The following ZFYVE9 variants were observed in gnomAD, a reference collection of about 807,000 sequenced individuals.
The protein encoded by ZFYVE9 is zinc finger FYVE-type containing 9.
Under a neutral mutation model 126.7 loss-of-function variants are expected in ZFYVE9, and 43 were observed. The ratio of observed to expected loss-of-function variants is 0.34; its 90% CI spans 0.27 to 0.44. ZFYVE9 has a LOEUF of 0.44. Ranked by LOEUF, ZFYVE9 falls within the 20% of genes least tolerant of loss-of-function variation. ZFYVE9 has a pLI of 1.00. For missense variants in ZFYVE9, 1,476 were observed against 1,697.0 expected (o/e 0.87, Z 2.29); for synonymous variants, 521 against 597.4 (o/e 0.87, Z 1.87).
chr1:52,268,677 C>A, intron 7 of ZFYVE9, 45 bp downstream of exon 7: 1 of 1,587,264 alleles, frequency 6.3e-7, no homozygotes, highest in South Asian at 1.2e-5. Context: ...CTACTTTACT[C>A]AGCATTGTGC....
chr1:52,209,974 G>A (rs1645012630), intron 1 of ZFYVE9, among the ~76,000 whole-genome samples: 2 of 152,192 alleles, frequency 1.3e-5, no homozygotes, highest in Non-Finnish European at 2.9e-5. Flanking sequence ...GGGAGACTAG[G>A]ATTCTTGCAA....
chr1:52,257,682 C>G (rs1315671678), intron 4 of ZFYVE9, among the ~76,000 whole-genome samples: 1 of 152,108 alleles, frequency 6.6e-6, no homozygotes. Flanking sequence ...TAGTCCTTCC[C>G]CAAAAAGTTT....
chr1:52,206,840 G>A (rs1300485782), intron 1 of ZFYVE9, among the ~76,000 whole-genome samples: 2 of 152,178 alleles, frequency 1.3e-5, no homozygotes, highest in African/African-American at 4.8e-5. Context: ...ACAAACCACT[G>A]TGCGCGGCCC....
chr1:52,337,091 C>G (rs1334335904), intron 15 of ZFYVE9, among the ~76,000 whole-genome samples: 2 of 151,922 alleles, frequency 1.3e-5, no homozygotes, highest in East Asian at 3.8e-4. Context: ...TTCAGTGGAG[C>G]GATTGGCTGA....
At chr1:52,340,826 G>A (rs758758774) in intron 17 of ZFYVE9, among the ~76,000 whole-genome samples, 38 of 149,272 alleles carry the variant, frequency 2.5e-4, no homozygotes, top group Non-Finnish European at 4.6e-4. Flanking sequence ...ACTTGAACCC[G>A]GGAGGCAGAG....
rs367622680 is a variant in ZFYVE9, at chr1:52,220,140, A to G, written c.-37+3666A>G. 6.6e-5 allele frequency among the ~76,000 whole-genome samples: 10 copies of G among 152,276 alleles called. No individual in the cohort carries two copies. The East Asian group carries it at 1.9e-3, about 29-fold the overall frequency. ...AAGGCAATGGGAAGGCATTTTGTCCATGGTAACTGGATTTCCAAGATTAAT... is the reference window on the plus strand; with the variant it reads ...AAGGCAATGGGAAGGCATTTTGTCCGTGGTAACTGGATTTCCAAGATTAAT... On this transcript the variant is annotated intron_variant, in intron 2 of 18. Transcript: ENST00000287727.
chr1:52,150,446 T>A, intron 1 of ZFYVE9: 1 of 150,288 alleles, frequency 6.7e-6, no homozygotes, highest in East Asian at 2.0e-4. Flanking sequence ...AGATGATAGA[T>A]GATAGCTAGA....
intron 4 of ZFYVE9, among the ~76,000 whole-genome samples, chr1:52,257,530 G>T (rs901023518): frequency 6.6e-5 from 10 of 152,116 alleles, no homozygotes; most frequent in African/African-American, 2.4e-4. Flanking sequence ...GCTTAGGCAG[G>T]TCATACGGAT....
intron 1 of ZFYVE9, chr1:52,162,375 C>A: frequency 2.9e-6 from 1 of 350,552 alleles, no homozygotes; most frequent in Non-Finnish European, 5.7e-6. Flanking sequence ...CCACCTCCGC[C>A]ACCACCACTA....
chr1:52,249,399 G>A lies in ZFYVE9; in HGVS notation c.2178+9804G>A, dbSNP rs1342102349. On this transcript the variant is annotated intron_variant, in intron 4 of 18. Transcript: ENST00000287727. Reference sequence around the variant, plus strand: ...TTGTATTTCTCTGATGGTTAGTGATGTTGAGCCTCTTTTCATGTACTTACT... The same window carrying A: ...TTGTATTTCTCTGATGGTTAGTGATATTGAGCCTCTTTTCATGTACTTACT... 2.6e-5 allele frequency among the ~76,000 whole-genome samples: 4 copies of A among 152,308 alleles called. No homozygotes were observed. The East Asian group carries it at 7.7e-4, about 29-fold the overall frequency.
intron 13 of ZFYVE9, among the ~76,000 whole-genome samples, chr1:52,316,483 C>CA (rs34497476): frequency 0.27 from 21,343 of 80,194 alleles, 1,797 homozygotes; most frequent in Middle Eastern, 0.36. Context: ...AGACTGGTCT[C>CA]AAAAAAAAAA....
At chr1:52,184,591 G>A (rs1347354528) in intron 1 of ZFYVE9, among the ~76,000 whole-genome samples, 1 of 142,172 alleles carries the variant, frequency 7.0e-6, no homozygotes, top group African/African-American at 2.6e-5. Context: ...TGGGTGGCGG[G>A]TGGTGGGGAG....
intron 1 of ZFYVE9, among the ~76,000 whole-genome samples, chr1:52,202,568 A>C (rs1644933793): frequency 6.6e-6 from 1 of 151,960 alleles, no homozygotes; most frequent in Non-Finnish European, 1.5e-5. Flanking sequence ...GGCATGAGCC[A>C]CTGTGCCTGG....
chr1:52,279,578 G>A (rs1035245589), intron 9 of ZFYVE9, among the ~76,000 whole-genome samples: 6 of 151,960 alleles, frequency 3.9e-5, no homozygotes, highest in East Asian at 1.9e-4. Context: ...GTTCTCCCAC[G>A]TCAGCCTCCC....
At chr1:52,234,870 G>A (rs1645259213) in intron 3 of ZFYVE9, among the ~76,000 whole-genome samples, 1 of 152,156 alleles carries the variant, frequency 6.6e-6, no homozygotes, top group African/African-American at 2.4e-5. Flanking sequence ...TTAGCCCTCT[G>A]TGTATCACAG....
At chr1:52,329,414 C>T (rs1238785566) in intron 13 of ZFYVE9, among the ~76,000 whole-genome samples, 3 of 152,038 alleles carry the variant, frequency 2.0e-5, no homozygotes, top group African/African-American at 4.8e-5. Flanking sequence ...AGTAATCTTT[C>T]GTGACCTTGG....
intron 1 of ZFYVE9, among the ~76,000 whole-genome samples, chr1:52,179,663 CAGTGGAATAAAGTCCACAAA>C (rs1644677695): frequency 1.3e-5 from 2 of 150,798 alleles, no homozygotes; most frequent in South Asian, 4.2e-4. Flanking sequence ...TTAAGTGACA[CAGTGGAATAAAGTCCACAAA>C]AGGAGACAAA....
intron 2 of ZFYVE9, among the ~76,000 whole-genome samples, chr1:52,222,282 C>G (rs1393930073): frequency 6.6e-6 from 1 of 152,202 alleles, no homozygotes; most frequent in African/African-American, 2.4e-5. Context: ...TCTGGGGACT[C>G]TGTGAACCCT....
chr1:52,259,038 A>G (rs1042047609), intron 4 of ZFYVE9, among the ~76,000 whole-genome samples: 15 of 152,176 alleles, frequency 9.9e-5, no homozygotes, highest in Admixed American at 7.9e-4. Flanking sequence ...TGGGCAGCTT[A>G]AGCAGAAATT....
Sources: gnomAD v4.1 joint callset for allele counts (sites outside exome capture counted in the v4.1 genomes callset) on GRCh38, gnomAD v4.1.1 for gene constraint, MANE v1.5 for transcripts, NCBI Gene and HGNC (gene_info 2026-07-23, HGNC 2026-07-21) for gene names.